ACOT7: variants seen among roughly 807,000 people sequenced by gnomAD.
The protein encoded by ACOT7 is acyl-CoA thioesterase 7.
Under a neutral mutation model 40.2 loss-of-function variants are expected in ACOT7, and 12 were observed. That is an observed-to-expected ratio of 0.30 (90% CI 0.19 to 0.48). The LOEUF (loss-of-function observed/expected upper bound fraction) is 0.48. Ranked by LOEUF, ACOT7 falls within the 20% of genes least tolerant of loss-of-function variation. The pLI is 0.99. For missense variants in ACOT7, 395 were observed against 530.8 expected (o/e 0.74, Z 2.51); for synonymous variants, 228 against 219.5 (o/e 1.04, Z -0.34).
At chr1:6,269,477 A>G (rs909129958) in intron 8 of ACOT7, among the ~76,000 whole-genome samples, 1 of 152,212 alleles carries the variant, frequency 6.6e-6, no homozygotes, top group African/African-American at 2.4e-5. Flanking sequence ...CCACCAGGCC[A>G]TCGAGCATTC....
At chr1:6,323,507 C>A (rs1384779797) in intron 5 of ACOT7, among the ~76,000 whole-genome samples, 1 of 152,016 alleles carries the variant, frequency 6.6e-6, no homozygotes, top group African/African-American at 2.4e-5. Context: ...CGCCTGAGGT[C>A]AGGAGTTCGA....
chr1:6,352,668 C>G lies in ACOT7; in HGVS notation c.144-2802G>C, dbSNP rs1202027731. Among the ~76,000 whole-genome samples, 1 of 149,742 alleles carries G rather than the reference C, an allele frequency of 6.7e-6. No individual in the cohort carries two copies. Among genetic ancestry groups the G allele is most frequent in the Non-Finnish European group, 1.5e-5 (1 of 67,180 alleles). Reference sequence around the variant, plus strand: ...GTGCAGTGGCACGATCTTGGCTCACCGCAAGCTCCGCCTCCTGGGTTCTCC... The same window carrying G: ...GTGCAGTGGCACGATCTTGGCTCACGGCAAGCTCCGCCTCCTGGGTTCTCC... On this transcript the variant is annotated intron_variant, in intron 1 of 8. Coordinates refer to ENST00000361521, the MANE Select transcript of ACOT7 (RefSeq NM_007274.4). This position sits in a 1 kb window ranked among gnomAD's most constrained non-coding sequence, Gnocchi z 4.5.
intron 1 of ACOT7, among the ~76,000 whole-genome samples, chr1:6,369,649 G>T (rs1382285047): frequency 6.6e-6 from 1 of 151,928 alleles, no homozygotes; most frequent in Non-Finnish European, 1.5e-5. Flanking sequence ...CACGATCTCA[G>T]CTCACTGCAA....
At chr1:6,310,176 C>T (rs2148413160) in intron 6 of ACOT7, among the ~76,000 whole-genome samples, 1 of 152,364 alleles carries the variant, frequency 6.6e-6, no homozygotes, top group South Asian at 2.1e-4. Context: ...GAAAATCTGT[C>T]AGTTGCCACT....
At chr1:6,291,434 G>A (rs1322951206) in intron 7 of ACOT7, among the ~76,000 whole-genome samples, 1 of 152,126 alleles carries the variant, frequency 6.6e-6, no homozygotes, top group Non-Finnish European at 1.5e-5. Flanking sequence ...ATCCTCCCCT[G>A]ACTTCAGAGG....
intron 1 of ACOT7, among the ~76,000 whole-genome samples, chr1:6,388,388 C>T (rs1283956669): frequency 1.3e-5 from 2 of 151,424 alleles, no homozygotes; most frequent in African/African-American, 4.8e-5. Flanking sequence ...GGATTACAGG[C>T]GTGAGCCACA....
chr1:6,360,808 A>T (rs1641873381), intron 1 of ACOT7: 1 of 1,454,178 alleles, frequency 6.9e-7, no homozygotes. Context: ...AGCTGGTCCC[A>T]GTCCAGGTGT....
intron 6 of ACOT7, among the ~76,000 whole-genome samples, chr1:6,310,788 A>G (rs979186037): frequency 1.3e-5 from 2 of 152,106 alleles, no homozygotes; most frequent in African/African-American, 4.8e-5. Context: ...GGCTGGATGG[A>G]GTGCAGTGGT....
chr1:6,325,402 T>TAAAA (rs111792791), intron 5 of ACOT7, among the ~76,000 whole-genome samples: 30 of 145,580 alleles, frequency 2.1e-4, no homozygotes, highest in African/African-American at 7.5e-4. Flanking sequence ...TGCCTCAAAT[T>TAAAA]AAAAAAAAAA....
At chr1:6,300,815 G>A (rs546332586) in intron 6 of ACOT7, among the ~76,000 whole-genome samples, 11 of 151,988 alleles carry the variant, frequency 7.2e-5, no homozygotes, top group Admixed American at 3.3e-4. Context: ...CCTGATGCGC[G>A]GCCGGTCCCT....
chr1:6,374,157 G>A (rs1236967843), intron 1 of ACOT7, among the ~76,000 whole-genome samples: 2 of 152,210 alleles, frequency 1.3e-5, no homozygotes, highest in Non-Finnish European at 2.9e-5. Flanking sequence ...GTGCGATGAA[G>A]TCACCTGAGG....
At chr1:6,388,715 G>A (rs1398690321) in intron 1 of ACOT7, among the ~76,000 whole-genome samples, 1 of 137,588 alleles carries the variant, frequency 7.3e-6, no homozygotes, top group Non-Finnish European at 1.5e-5. Context: ...ACTCCAGCCT[G>A]GGTGACAGAG....
At chr1:6,313,174 T>C (rs1640388193) in intron 6 of ACOT7, among the ~76,000 whole-genome samples, 4 of 152,298 alleles carry the variant, frequency 2.6e-5, no homozygotes, top group Admixed American at 2.0e-4. Context: ...GAGAAGGATG[T>C]CACTTCACTT....
rs1571334070 is a variant in ACOT7, at chr1:6,351,600, A to G, written c.144-1734T>C. Among the ~76,000 whole-genome samples the G allele has an allele frequency of 2.0e-5, 3 of 152,212 alleles. 1 individual carries two copies. The South Asian group carries it at 6.2e-4, about 31-fold the overall frequency. On this transcript the variant is annotated intron_variant, in intron 1 of 8. Coordinates refer to ENST00000361521, the MANE Select transcript of ACOT7 (RefSeq NM_007274.4). The stretch of plus-strand genomic sequence containing the variant: ...CAGGCCTGTCCTGGGGGCACTAGCC[A>G]AGGCTGTGGGTGGGTGCGGAGAGCA...
At chr1:6,375,662 C>A (rs892086300) in intron 1 of ACOT7, among the ~76,000 whole-genome samples, 1 of 152,202 alleles carries the variant, frequency 6.6e-6, no homozygotes, top group East Asian at 1.9e-4. Context: ...TTAGGCCGGG[C>A]GCAGTGGCTC....
chr1:6,310,074 ACAGCAAGTGGGGAATC>A (rs1640288529), intron 6 of ACOT7, among the ~76,000 whole-genome samples: 2 of 152,318 alleles, frequency 1.3e-5, no homozygotes, highest in East Asian at 3.9e-4. Flanking sequence ...TAGGACAAGG[ACAGCAAGTGGGGAATC>A]CAGAGGAAGA....
chr1:6,375,725 A>T (rs1486968839), intron 1 of ACOT7, among the ~76,000 whole-genome samples: 2 of 146,572 alleles, frequency 1.4e-5, no homozygotes, highest in Admixed American at 6.9e-5. Context: ...TCACGAGGTC[A>T]GGAGATCAAG....
At chr1:6,371,116 T>C (rs1642125743) in intron 1 of ACOT7, among the ~76,000 whole-genome samples, 3 of 152,044 alleles carry the variant, frequency 2.0e-5, no homozygotes, top group Admixed American at 1.3e-4. Context: ...GCCTGATCAG[T>C]ATTATTTTGA....
intron 1 of ACOT7, among the ~76,000 whole-genome samples, chr1:6,369,394 A>G (rs950118803): frequency 3.2e-4 from 41 of 126,544 alleles, no homozygotes; most frequent in African/African-American, 1.2e-3. Context: ...CACAAAATGC[A>G]TTTCTTTTTT....
Sources: allele counts gnomAD v4.1 joint callset (sites outside exome capture counted in the v4.1 genomes callset), GRCh38; gene constraint gnomAD v4.1.1; non-coding constraint Gnocchi (gnomAD v3.1); transcripts MANE v1.5; gene names NCBI Gene and HGNC (gene_info 2026-07-23, HGNC 2026-07-21).